The following ST6GALNAC3 variants were observed in gnomAD, a reference collection of about 807,000 sequenced individuals.
ST6GALNAC3 encodes the protein alpha-N-acetylgalactosaminide alpha-2,6-sialyltransferase 3.
A neutral mutation model predicts 32.7 loss-of-function variants in ST6GALNAC3; 25 were observed. That is an observed-to-expected ratio of 0.76 (90% CI 0.56 to 1.07). ST6GALNAC3 has a LOEUF of 1.07. ST6GALNAC3 is among the 50% of genes least tolerant of loss of function. ST6GALNAC3 has a pLI of 0.00. For missense variants in ST6GALNAC3, 355 were observed against 382.4 expected (o/e 0.93, Z 0.60); for synonymous variants, 129 against 133.1 (o/e 0.97, Z 0.21).
At chr1:76,468,904 G>A (rs1476933945) in intron 3 of ST6GALNAC3, among the ~76,000 whole-genome samples, 1 of 152,028 alleles carries the variant, frequency 6.6e-6, no homozygotes, top group Non-Finnish European at 1.5e-5. Context: ...GAGGGAAAGA[G>A]AAAAATACTC....
chr1:76,435,395 A>G (rs1246410086), intron 3 of ST6GALNAC3, among the ~76,000 whole-genome samples: 1 of 152,204 alleles, frequency 6.6e-6, no homozygotes, highest in Non-Finnish European at 1.5e-5. Context: ...AGAAGCTGCA[A>G]ATGGTGAGAA....
intron 3 of ST6GALNAC3, among the ~76,000 whole-genome samples, chr1:76,531,613 G>C (rs915866596): frequency 6.6e-6 from 1 of 152,060 alleles, no homozygotes; most frequent in Admixed American, 6.6e-5. Flanking sequence ...CCCCCTCATT[G>C]ACTGTAAGAG....
chr1:76,098,207 A>G (rs1647166671), intron 1 of ST6GALNAC3, among the ~76,000 whole-genome samples: 1 of 152,214 alleles, frequency 6.6e-6, no homozygotes, highest in African/African-American at 2.4e-5. Flanking sequence ...AATTTGTATC[A>G]TTATCAGTTT....
At chr1:76,576,636 T>C (rs1254875861) in intron 3 of ST6GALNAC3, among the ~76,000 whole-genome samples, 1 of 152,030 alleles carries the variant, frequency 6.6e-6, no homozygotes, top group Non-Finnish European at 1.5e-5. Flanking sequence ...GAGCCTGTCT[T>C]GTAGACTTAG....
At chr1:76,175,261 A>C (rs1652777476) in intron 1 of ST6GALNAC3, among the ~76,000 whole-genome samples, 1 of 152,150 alleles carries the variant, frequency 6.6e-6, no homozygotes. Flanking sequence ...TAATCCGCTT[A>C]CACTGCCTCC....
intron 3 of ST6GALNAC3, among the ~76,000 whole-genome samples, chr1:76,524,815 G>T (rs987036584): frequency 6.6e-6 from 1 of 151,008 alleles, no homozygotes; most frequent in Admixed American, 6.6e-5. Flanking sequence ...ATTTTTGAGA[G>T]AATTCTTTAA....
intron 3 of ST6GALNAC3, among the ~76,000 whole-genome samples, chr1:76,452,509 T>C (rs1657483463): frequency 6.6e-6 from 1 of 152,186 alleles, no homozygotes. Flanking sequence ...TTTTGTGAAA[T>C]GCTTTTTCTG....
At chr1:76,333,660 T>C (rs1397779363) in intron 2 of ST6GALNAC3, among the ~76,000 whole-genome samples, 1 of 152,210 alleles carries the variant, frequency 6.6e-6, no homozygotes, top group Non-Finnish European at 1.5e-5. Flanking sequence ...TGGCTGTCCT[T>C]GGTTGTCCAT....
intron 1 of ST6GALNAC3, among the ~76,000 whole-genome samples, chr1:76,289,499 G>T (rs906977424): frequency 3.3e-5 from 5 of 152,226 alleles, no homozygotes; most frequent in Non-Finnish European, 7.3e-5. Flanking sequence ...CCCAGCAGGG[G>T]TGATAGCACC....
At chr1:76,174,675 T>TC (rs397789514) in intron 1 of ST6GALNAC3, among the ~76,000 whole-genome samples, 3 of 150,234 alleles carry the variant, frequency 2.0e-5, no homozygotes, top group South Asian at 2.1e-4. Flanking sequence ...TTTTTTTTTT[T>TC]CTTTTTTTTG....
rs111542803 is a variant in ST6GALNAC3, at chr1:76,480,305, T to G, written c.623+67888T>G. 4.9e-3 allele frequency among the ~76,000 whole-genome samples: 739 copies of G among 152,312 alleles called. 10 individuals carry two copies. The highest frequency in any genetic ancestry group is 0.017 in the African/African-American group (713 of 41,578). On this transcript the variant is annotated intron_variant, in intron 3 of 4. Coordinates refer to ENST00000328299, the MANE Select transcript of ST6GALNAC3 (RefSeq NM_152996.4). ...CCAGTGATAACAAGCAAGAGTTATC[T>G]CCTGCATTTTTGAAAAAAGGTTAAA...
intron 1 of ST6GALNAC3, among the ~76,000 whole-genome samples, chr1:76,148,891 G>A (rs1256591559): frequency 6.6e-6 from 1 of 152,212 alleles, no homozygotes; most frequent in Non-Finnish European, 1.5e-5. Context: ...GGAGACAGAA[G>A]TAGCAAAGGC....
At chr1:76,599,439 C>G (rs1344216122) in intron 3 of ST6GALNAC3, among the ~76,000 whole-genome samples, 6 of 151,930 alleles carry the variant, frequency 3.9e-5, no homozygotes, top group African/African-American at 1.5e-4. Flanking sequence ...CCAATGCTCT[C>G]CCTCCCCTTG....
At chr1:76,090,353 T>G (rs1366156011) in intron 1 of ST6GALNAC3, among the ~76,000 whole-genome samples, 1 of 152,266 alleles carries the variant, frequency 6.6e-6, no homozygotes, top group African/African-American at 2.4e-5. Flanking sequence ...TTAGTCTCAC[T>G]GATAAGCAGA....
intron 3 of ST6GALNAC3, among the ~76,000 whole-genome samples, chr1:76,558,136 G>T (rs1268413085): frequency 6.6e-6 from 1 of 152,288 alleles, no homozygotes; most frequent in East Asian, 1.9e-4. Flanking sequence ...CTTATACACT[G>T]TTAGAAGGAA....
intron 3 of ST6GALNAC3, among the ~76,000 whole-genome samples, chr1:76,530,723 A>G (rs1310365982): frequency 6.6e-6 from 1 of 152,206 alleles, no homozygotes; most frequent in East Asian, 1.9e-4. Flanking sequence ...TACAAAACAA[A>G]TGCTATAATT....
At chr1:76,448,028 T>C (rs1318155836) in intron 3 of ST6GALNAC3, among the ~76,000 whole-genome samples, 1 of 152,068 alleles carries the variant, frequency 6.6e-6, no homozygotes, top group Non-Finnish European at 1.5e-5. Context: ...TTGCACCATG[T>C]GCCTTGAAAA....
chr1:76,573,828 A>G (rs1312175124), intron 3 of ST6GALNAC3, among the ~76,000 whole-genome samples: 4 of 151,738 alleles, frequency 2.6e-5, no homozygotes, highest in Non-Finnish European at 4.4e-5. Flanking sequence ...TCTAGGAAGT[A>G]ATGAATGGTC....
At chr1:76,429,256 A>C (rs997456368) in intron 3 of ST6GALNAC3, among the ~76,000 whole-genome samples, 15 of 152,170 alleles carry the variant, frequency 9.9e-5, no homozygotes, top group African/African-American at 3.6e-4. Context: ...ATTATAGCAT[A>C]TAACAGTCCA....
Sources: allele counts gnomAD v4.1 joint callset (sites outside exome capture counted in the v4.1 genomes callset), GRCh38; gene constraint gnomAD v4.1.1; transcripts MANE v1.5; gene names NCBI Gene and HGNC (gene_info 2026-07-23, HGNC 2026-07-21).